STAG1: variants seen among roughly 807,000 people sequenced by gnomAD.
The protein encoded by STAG1 is cohesin subunit SA-1.
A neutral mutation model predicts 170.9 loss-of-function variants in STAG1; 26 were observed. The observed-to-expected ratio is 0.15, with a 90% CI of 0.11 to 0.21. The LOEUF is 0.21. Among genes scored for constraint, STAG1 ranks in the 10% least tolerant of loss-of-function variants. The pLI, the probability that STAG1 is intolerant of heterozygous loss-of-function variation, is 1.00. For synonymous variants in STAG1, 514 were observed against 497.7 expected (o/e 1.03, Z -0.44); for missense variants, 964 against 1,509.5 (o/e 0.64, Z 5.99).
rs1576633470 is a variant in STAG1 at position 136,584,624 on chromosome 3, C to T, written c.298-15763G>A. On this transcript the variant is annotated intron_variant, in intron 4 of 33. Transcript: ENST00000383202. Reference sequence around the variant, plus strand: ...CATAATGCTGAGGTATTTTGATATTCTTATTGAAGATACATCCAATATCTT... The same window carrying T: ...CATAATGCTGAGGTATTTTGATATTTTTATTGAAGATACATCCAATATCTT... Among the ~76,000 whole-genome samples the T allele has an allele frequency of 5.9e-5, 9 of 152,274 alleles. 1 individual carries two copies. In the South Asian group the frequency reaches 1.9e-3, roughly 32 times the overall value.
At chr3:136,469,756 A>G (rs557710778) in intron 12 of STAG1, among the ~76,000 whole-genome samples, 55 of 152,354 alleles carry the variant, frequency 3.6e-4, no homozygotes, top group African/African-American at 1.3e-3. Flanking sequence ...TACAGTAACC[A>G]AAACAGCATG....
intron 1 of STAG1, among the ~76,000 whole-genome samples, chr3:136,700,053 A>T (rs780019333): frequency 4.0e-5 from 6 of 151,672 alleles, no homozygotes; most frequent in Admixed American, 6.6e-5. Flanking sequence ...TAAAATATCT[A>T]AAATTGCCCT....
chr3:136,369,945 T>C (rs1324397026), intron 23 of STAG1, among the ~76,000 whole-genome samples: 1 of 152,178 alleles, frequency 6.6e-6, no homozygotes, highest in Non-Finnish European at 1.5e-5. Flanking sequence ...GTGGTGATGC[T>C]GGTGTATTAT....
intron 5 of STAG1, among the ~76,000 whole-genome samples, chr3:136,545,057 C>CT (rs964376872): frequency 1.0e-4 from 15 of 150,634 alleles, no homozygotes; most frequent in Non-Finnish European, 1.6e-4. Context: ...TTTTTTATTT[C>CT]TTTTTTTTTG....
chr3:136,634,373 CAAAA>C (rs375973343), intron 1 of STAG1, among the ~76,000 whole-genome samples: 2 of 144,362 alleles, frequency 1.4e-5, no homozygotes, highest in Admixed American at 6.9e-5. Context: ...AACAAACAAA[CAAAA>C]AAAAAACCAG....
intron 4 of STAG1, among the ~76,000 whole-genome samples, chr3:136,575,081 AC>A (rs1187964222): frequency 8.5e-5 from 13 of 152,228 alleles, no homozygotes; most frequent in African/African-American, 2.7e-4. Context: ...CTGAATAAAA[AC>A]ATCTCAAAAA....
chr3:136,340,489 A>T lies in STAG1; in HGVS notation c.3672+2T>A. The T allele has an allele frequency of 6.3e-7, 1 of 1,579,738 alleles. No homozygotes were observed. The highest frequency in any genetic ancestry group is 8.7e-7 in the Non-Finnish European group (1 of 1,148,686). On this transcript the variant is annotated splice_donor_variant, in intron 32 of 33. Coordinates refer to ENST00000383202, the MANE Select transcript of STAG1 (RefSeq NM_005862.3). LOFTEE classifies it high-confidence loss of function. ...AAAGAAAAATATAGTGAATTTCTCTACCAGATCAATAACCATGGTGTCCTC... is the reference window on the plus strand; with the variant it reads ...AAAGAAAAATATAGTGAATTTCTCTTCCAGATCAATAACCATGGTGTCCTC...
chr3:136,433,780 G>A, intron 15 of STAG1, 121 bp from the exon 16 acceptor site: 1 of 684,826 alleles, frequency 1.5e-6, no homozygotes, highest in Non-Finnish European at 2.4e-6. Context: ...AAAGACTAAA[G>A]TTAAGCTCTG....
At chr3:136,490,596 T>A (rs2090106348) in intron 9 of STAG1, among the ~76,000 whole-genome samples, 1 of 152,180 alleles carries the variant, frequency 6.6e-6, no homozygotes, top group African/African-American at 2.4e-5. Flanking sequence ...AAAAATATCC[T>A]CTAATTAATA....
At chr3:136,421,317 A>G (rs947778705) in intron 19 of STAG1, among the ~76,000 whole-genome samples, 154 bp from the exon 20 acceptor site, 1 of 152,168 alleles carries the variant, frequency 6.6e-6, no homozygotes, top group African/African-American at 2.4e-5. Flanking sequence ...AAAAACACCC[A>G]TAACTCTAAC....
intron 1 of STAG1, among the ~76,000 whole-genome samples, chr3:136,660,261 T>A (rs904036213): frequency 6.6e-6 from 1 of 152,190 alleles, no homozygotes; most frequent in Non-Finnish European, 1.5e-5. Flanking sequence ...GTAAAGTCAT[T>A]TCCACAGTGT....
intron 12 of STAG1, among the ~76,000 whole-genome samples, chr3:136,471,084 GC>G (rs2089614163): frequency 6.7e-6 from 1 of 148,884 alleles, no homozygotes; most frequent in Non-Finnish European, 1.5e-5. Flanking sequence ...ATGTAACAAA[GC>G]TGCACATTGT....
intron 21 of STAG1, among the ~76,000 whole-genome samples, chr3:136,414,790 T>C (rs1382985879): frequency 1.3e-5 from 2 of 152,118 alleles, no homozygotes; most frequent in Admixed American, 6.5e-5. Context: ...TTACTTCTGT[T>C]GTGTTAACAG....
At chr3:136,588,755 T>C (rs1018260961) in intron 4 of STAG1, among the ~76,000 whole-genome samples, 5 of 152,010 alleles carry the variant, frequency 3.3e-5, no homozygotes, top group Non-Finnish European at 7.4e-5. Context: ...GCCTATTTTC[T>C]GTTTTTTTTG....
At position 136,623,148 on chromosome 3, in the gene STAG1, G is replaced by A; in HGVS notation, c.130C>T (p.Pro44Ser). The stretch of plus-strand genomic sequence containing the variant: ...AAGAAGACAAGCATAATACATACTG[G>A]AGGCCGGCCAGGACGACCCCTTTTT... ...KRKRGRPGRP[P>S]STNKKPRKSP... The change falls in exon 3 of 34, where the codon CCA (proline) becomes TCA (serine). Residue 44 changes from proline to serine, a missense_variant and splice_region_variant. By Grantham distance (74) the Pro-to-Ser change is moderately conservative. This residue lies in a region of STAG1 where 108 missense variants were observed against 120.2 expected (regional missense o/e 0.90). Coordinates refer to ENST00000383202, the MANE Select transcript of STAG1 (RefSeq NM_005862.3). 2 of 1,612,748 alleles carry A rather than the reference G, an allele frequency of 1.2e-6. No homozygotes were observed. Among genetic ancestry groups the A allele is most frequent in the Non-Finnish European group, 8.5e-7 (1 of 1,179,218 alleles).
intron 2 of STAG1, among the ~76,000 whole-genome samples, chr3:136,629,079 A>T (rs1940220750): frequency 6.6e-6 from 1 of 152,182 alleles, no homozygotes. Context: ...CATATTACAG[A>T]TTTACATTCT....
At chr3:136,741,917 A>G (rs1482051488) in intron 1 of STAG1, among the ~76,000 whole-genome samples, 1 of 152,250 alleles carries the variant, frequency 6.6e-6, no homozygotes, top group Non-Finnish European at 1.5e-5. Context: ...AACATCAAAT[A>G]AAGCAGACTT....
chr3:136,518,709 T>C (rs536807922), intron 7 of STAG1, among the ~76,000 whole-genome samples: 2 of 152,294 alleles, frequency 1.3e-5, no homozygotes, highest in East Asian at 1.9e-4. Flanking sequence ...AAAAGTTTTA[T>C]CCTTTGAAAA....
At chr3:136,373,205 C>A (rs1482170565) in intron 23 of STAG1, among the ~76,000 whole-genome samples, 1 of 152,118 alleles carries the variant, frequency 6.6e-6, no homozygotes, top group Non-Finnish European at 1.5e-5. Context: ...TCCCCTTTGT[C>A]ATTTTTTATT....
Sources: gnomAD v4.1 joint callset for allele counts (sites outside exome capture counted in the v4.1 genomes callset) on GRCh38, gnomAD v4.1.1 for gene constraint, gnomAD v4.1.1 regional missense constraint, MANE v1.5 for transcripts, NCBI Gene and HGNC (gene_info 2026-07-23, HGNC 2026-07-21) for gene names.